The following CDH13 variants were observed in gnomAD, a reference collection of about 807,000 sequenced individuals.
CDH13 encodes the protein cadherin 13.
A neutral mutation model predicts 63.8 loss-of-function variants in CDH13; 24 were observed. The ratio of observed to expected loss-of-function variants is 0.38; its 90% CI spans 0.27 to 0.53. The LOEUF (loss-of-function observed/expected upper bound fraction) is 0.53. Ranked by LOEUF, CDH13 falls within the 20% of genes least tolerant of loss-of-function variation. The pLI is 0.85. For missense variants in CDH13, 1,049 were observed against 903.1 expected, an observed-to-expected ratio of 1.16 and a Z score of -2.07; for synonymous variants, 503 against 355.3, an observed-to-expected ratio of 1.42 and a Z score of -4.67.
chr16:83,517,574 A>G (rs776205139), intron 7 of CDH13, among the ~76,000 whole-genome samples: 3 of 152,158 alleles, frequency 2.0e-5, no homozygotes, highest in Admixed American at 6.5e-5. Context: ...AGAACTAGTC[A>G]TGTGGCCCCA....
intron 2 of CDH13, among the ~76,000 whole-genome samples, chr16:83,004,756 G>A (rs1351286288): frequency 5.3e-5 from 8 of 152,280 alleles, no homozygotes; most frequent in Non-Finnish European, 1.0e-4. Context: ...GCCTCCCAAA[G>A]GGCTGGGATT....
chr16:82,727,761 C>T (rs2033179438), intron 1 of CDH13: 1 of 152,102 alleles, frequency 6.6e-6, no homozygotes, highest in Non-Finnish European at 1.5e-5. Context: ...GATCAGTTTC[C>T]AAAGTTCTTC....
chr16:83,316,983 G>T (rs748392160), intron 5 of CDH13, among the ~76,000 whole-genome samples: 1 of 152,240 alleles, frequency 6.6e-6, no homozygotes, highest in Admixed American at 6.5e-5. Context: ...GAACATAGCA[G>T]AGGGGTTCCT....
chr16:83,206,744 AG>A (rs138713943), intron 4 of CDH13, among the ~76,000 whole-genome samples: 6,892 of 152,294 alleles, frequency 0.045, 330 homozygotes, highest in African/African-American at 0.12. Context: ...TGGGTGAGCT[AG>A]AAAATTTCAA....
At chr16:83,760,611 A>G (rs1913886011) in intron 11 of CDH13, among the ~76,000 whole-genome samples, 1 of 152,248 alleles carries the variant, frequency 6.6e-6, no homozygotes, top group South Asian at 2.1e-4. Flanking sequence ...AAATGACTGC[A>G]TTTATATAAA....
chr16:82,994,464 A>C (rs370085960), intron 2 of CDH13, among the ~76,000 whole-genome samples: 26 of 152,332 alleles, frequency 1.7e-4, no homozygotes, highest in African/African-American at 6.3e-4. Context: ...TATCAGCTCC[A>C]GCAAAGAGAC....
At chr16:83,325,812 A>G (rs1242252742) in intron 5 of CDH13, among the ~76,000 whole-genome samples, 1 of 151,508 alleles carries the variant, frequency 6.6e-6, no homozygotes, top group East Asian at 1.9e-4. Flanking sequence ...AATTAAACAC[A>G]CTCTATCTCA....
intron 1 of CDH13, among the ~76,000 whole-genome samples, chr16:82,742,422 C>T (rs1035229576): frequency 6.6e-6 from 1 of 151,986 alleles, no homozygotes; most frequent in Non-Finnish European, 1.5e-5. Context: ...AATTATGATA[C>T]AGTAACTTGT....
intron 2 of CDH13, among the ~76,000 whole-genome samples, chr16:82,905,932 T>C (rs1401477962): frequency 1.3e-5 from 2 of 152,206 alleles, no homozygotes; most frequent in Admixed American, 6.5e-5. Context: ...CCAGGCTCTG[T>C]TGAAATTTTT....
At chr16:82,917,164 C>T (rs2151274550) in intron 2 of CDH13, among the ~76,000 whole-genome samples, 1 of 152,230 alleles carries the variant, frequency 6.6e-6, no homozygotes, top group Admixed American at 6.5e-5. Flanking sequence ...AAGGAAGACG[C>T]TTACAAATAA....
intron 4 of CDH13, among the ~76,000 whole-genome samples, chr16:83,154,430 G>T (rs1182802181): frequency 6.6e-6 from 1 of 151,876 alleles, no homozygotes; most frequent in East Asian, 1.9e-4. Flanking sequence ...AGCAAGGTGT[G>T]GTGGCATACA....
At chr16:83,575,031 G>T (rs980615013) in intron 7 of CDH13, among the ~76,000 whole-genome samples, 3 of 152,132 alleles carry the variant, frequency 2.0e-5, no homozygotes. Context: ...AACAAAATGG[G>T]CCTGTCCATA....
intron 6 of CDH13, among the ~76,000 whole-genome samples, chr16:83,401,498 C>A (rs1267452560): frequency 6.6e-6 from 1 of 151,982 alleles, no homozygotes; most frequent in Non-Finnish European, 1.5e-5. Context: ...GGTAACAGAG[C>A]AAGACTCCGT....
chr16:83,000,552 G>C (rs1055586805), intron 2 of CDH13, among the ~76,000 whole-genome samples: 20 of 148,788 alleles, frequency 1.3e-4, no homozygotes, highest in Non-Finnish European at 3.0e-4. Flanking sequence ...CCGACCCCAA[G>C]GTTGTCTCTT....
chr16:83,676,912 C>G (rs1242090391), intron 9 of CDH13, among the ~76,000 whole-genome samples: 1 of 152,256 alleles, frequency 6.6e-6, no homozygotes, highest in Non-Finnish European at 1.5e-5. Context: ...CATCAACGGT[C>G]CTTATCTCTG....
At chr16:83,291,246 T>C (rs1186296724) in intron 5 of CDH13, among the ~76,000 whole-genome samples, 1 of 152,206 alleles carries the variant, frequency 6.6e-6, no homozygotes, top group African/African-American at 2.4e-5. Context: ...ACTTTGCTGC[T>C]CTTCCTCGAA....
At chr16:83,111,676 G>T (rs1267421325) in intron 3 of CDH13, among the ~76,000 whole-genome samples, 1 of 152,198 alleles carries the variant, frequency 6.6e-6, no homozygotes, top group Non-Finnish European at 1.5e-5. Flanking sequence ...TTGGAGAATG[G>T]AGTTGAGATG....
intron 1 of CDH13, among the ~76,000 whole-genome samples, chr16:82,813,961 G>A (rs891393174): frequency 1.1e-4 from 16 of 151,946 alleles, no homozygotes; most frequent in African/African-American, 2.9e-4. Context: ...AACCATTGTC[G>A]AGACCCATCT....
Position 83,600,839 on chromosome 16 carries a change from C to T in CDH13, c.961-1615C>T, listed in dbSNP as rs1232455458. Among the ~76,000 whole-genome samples the T allele has an allele frequency of 2.6e-5, 4 of 152,072 alleles. 1 individual carries two copies. The highest frequency in any genetic ancestry group is 4.1e-4 in the South Asian group (2 of 4,830). ...TGGCTTCAGGAGTGGCATGATGAAG[C>T]GGCTCCAGTACAACCACTAAGAACC... On this transcript the variant is annotated intron_variant, in intron 7 of 13. Transcript: ENST00000567109.
Sources: gnomAD v4.1 joint callset for allele counts (sites outside exome capture counted in the v4.1 genomes callset) on GRCh38, gnomAD v4.1.1 for gene constraint, MANE v1.5 for transcripts, NCBI Gene and HGNC (gene_info 2026-07-23, HGNC 2026-07-21) for gene names.